TSPAN9: variants seen among roughly 807,000 people sequenced by gnomAD.
TSPAN9 encodes tetraspanin 9.
A neutral mutation model predicts 31.0 loss-of-function variants in TSPAN9; 16 were observed. The ratio of observed to expected loss-of-function variants is 0.52; its 90% CI spans 0.35 to 0.78. TSPAN9 has a LOEUF of 0.78. Among genes scored for constraint, TSPAN9 ranks in the 30% least tolerant of loss-of-function variants. TSPAN9 has a pLI of 0.01. For missense variants in TSPAN9, 272 were observed against 312.5 expected (o/e 0.87, Z 0.98); for synonymous variants, 145 against 121.6 (o/e 1.19, Z -1.27).
intron 2 of TSPAN9, among the ~76,000 whole-genome samples, chr12:3,156,425 C>T (rs2098342299): frequency 6.6e-6 from 1 of 151,998 alleles, no homozygotes; most frequent in South Asian, 2.1e-4. Flanking sequence ...AGAGGCATCT[C>T]CTGTCTTCTT....
At chr12:3,164,885 G>C (rs557272090) in intron 2 of TSPAN9, among the ~76,000 whole-genome samples, 3 of 152,320 alleles carry the variant, frequency 2.0e-5, no homozygotes, top group African/African-American at 7.2e-5. Flanking sequence ...CTGAATCCTG[G>C]CCTCTCCATT....
At chr12:3,210,175 G>C (rs553226317) in intron 3 of TSPAN9, among the ~76,000 whole-genome samples, 1 of 151,890 alleles carries the variant, frequency 6.6e-6, no homozygotes, top group East Asian at 1.9e-4. Flanking sequence ...GCATGAAGCA[G>C]TTCCATGGAC....
At chr12:3,145,145 C>T (rs2098336565) in intron 2 of TSPAN9, among the ~76,000 whole-genome samples, 1 of 152,186 alleles carries the variant, frequency 6.6e-6, no homozygotes, top group Admixed American at 6.5e-5. Flanking sequence ...CAGCCCTCGG[C>T]GTCCTCTGGT....
chr12:3,144,891 CTGA>C (rs1283659707), intron 2 of TSPAN9, among the ~76,000 whole-genome samples: 3 of 152,224 alleles, frequency 2.0e-5, no homozygotes, highest in Non-Finnish European at 1.5e-5. Context: ...ACCATAGCTG[CTGA>C]TGATATTTGT....
At chr12:3,245,346 C>T (rs1436698905) in intron 3 of TSPAN9, among the ~76,000 whole-genome samples, 1 of 152,220 alleles carries the variant, frequency 6.6e-6, no homozygotes, top group African/African-American at 2.4e-5. Context: ...GGAACCACTC[C>T]TGGGTCTCCA....
At chr12:3,102,281 G>A (rs777785779) in intron 2 of TSPAN9, among the ~76,000 whole-genome samples, 2 of 151,864 alleles carry the variant, frequency 1.3e-5, no homozygotes, top group African/African-American at 4.8e-5. Context: ...ATGCCATCAT[G>A]CCCTGCCAAC....
At chr12:3,219,930 G>A (rs112131622) in intron 3 of TSPAN9, among the ~76,000 whole-genome samples, 1,526 of 151,760 alleles carry the variant, frequency 0.01, 27 homozygotes, top group African/African-American at 0.034. Context: ...TGCGGCGGGC[G>A]GATCACCTGA....
chr12:3,095,817 T>G (rs1480776353), intron 2 of TSPAN9, among the ~76,000 whole-genome samples: 3 of 131,772 alleles, frequency 2.3e-5, no homozygotes, highest in African/African-American at 8.9e-5. Context: ...CTAGATGGGA[T>G]GGCGGCCGGG....
At chr12:3,105,107 G>A (rs1313389278) in intron 2 of TSPAN9, among the ~76,000 whole-genome samples, 6 of 152,178 alleles carry the variant, frequency 3.9e-5, no homozygotes, top group South Asian at 4.1e-4. Flanking sequence ...TTTGTGCCCC[G>A]TCTGCGCACA....
chr12:3,191,801 T>G (rs10774126), intron 2 of TSPAN9, among the ~76,000 whole-genome samples: 1 of 152,216 alleles, frequency 6.6e-6, no homozygotes, highest in African/African-American at 2.4e-5. Flanking sequence ...AAGAATCAGA[T>G]AGTAACATTG....
chr12:3,178,376 T>C (rs187896223), intron 2 of TSPAN9, among the ~76,000 whole-genome samples: 6,158 of 151,612 alleles, frequency 0.041, 398 homozygotes, highest in African/African-American at 0.14. Context: ...CTGCAACCCC[T>C]GCTTCCTGGG....
intron 2 of TSPAN9, among the ~76,000 whole-genome samples, chr12:3,087,903 G>A (rs4766043): frequency 0.24 from 36,187 of 152,144 alleles, 5,115 homozygotes; most frequent in South Asian, 0.39. Context: ...CCCTGCTGAC[G>A]GCCTCTCCCC....
At chr12:3,153,543 T>C (rs919562795) in intron 2 of TSPAN9, among the ~76,000 whole-genome samples, 5 of 151,012 alleles carry the variant, frequency 3.3e-5, no homozygotes, top group Non-Finnish European at 7.4e-5. Flanking sequence ...ATCACAATTA[T>C]GATCATCATC....
intron 3 of TSPAN9, among the ~76,000 whole-genome samples, chr12:3,263,492 A>G (rs1452503831): frequency 6.6e-6 from 1 of 152,182 alleles, no homozygotes; most frequent in Non-Finnish European, 1.5e-5. Flanking sequence ...CTGTATGAGC[A>G]GGAGGGTCTG....
At chr12:3,231,563 A>G (rs1013405185) in intron 3 of TSPAN9, among the ~76,000 whole-genome samples, 3 of 152,070 alleles carry the variant, frequency 2.0e-5, no homozygotes, top group Non-Finnish European at 2.9e-5. Context: ...ATGCCAGCCC[A>G]CCCTAAAGAG....
intron 3 of TSPAN9, among the ~76,000 whole-genome samples, chr12:3,259,675 G>A (rs993286220): frequency 3.9e-5 from 6 of 152,238 alleles, no homozygotes; most frequent in Non-Finnish European, 5.9e-5. Flanking sequence ...TCTGGAAAAA[G>A]GGAACACCAA....
In TSPAN9 at chr12:3,280,884, C is replaced by T. The variant is rs778035646; in HGVS notation, c.433-314C>T. On this transcript the variant is annotated intron_variant, in intron 6 of 8. Coordinates refer to ENST00000011898, the MANE Select transcript of TSPAN9 (RefSeq NM_006675.5). The surrounding 1 kb of genome is among the most constrained non-coding windows in gnomAD (Gnocchi z 4.5). ...GGCCGGCAGGGGGTTGGGTGGCAGTCAGCTTGGGACGGTTTACAGAAAGAG... is the reference window on the plus strand; with the variant it reads ...GGCCGGCAGGGGGTTGGGTGGCAGTTAGCTTGGGACGGTTTACAGAAAGAG... 1.2e-4 allele frequency among the ~76,000 whole-genome samples: 18 copies of T among 152,176 alleles called. No individual in the cohort carries two copies. Among genetic ancestry groups the T allele is most frequent in the South Asian group, 2.1e-4 (1 of 4,814 alleles).
rs2098352215 is a variant in TSPAN9 at position 3,172,124 on chromosome 12, A to G, written c.-17-29053A>G. Reference sequence around the variant, plus strand: ...CAGGGCATCTCCAGCGGCACAAATCACAGGGAAAATATCTCCCAGGCTTTT... The same window carrying G: ...CAGGGCATCTCCAGCGGCACAAATCGCAGGGAAAATATCTCCCAGGCTTTT... On this transcript the variant is annotated intron_variant, in intron 2 of 8. Transcript: ENST00000011898. This position sits in a 1 kb window ranked among gnomAD's most constrained non-coding sequence, Gnocchi z 4.8. The G allele has an allele frequency of 6.6e-6, 1 of 152,278 alleles. No individual in the cohort carries two copies. 9.4% of individuals were successfully genotyped at this position (152,278 alleles called of 1,614,324 possible). A position where few individuals can be genotyped will look rare whatever the true frequency, so the allele number is the denominator to read the frequency against.
chr12:3,165,472 G>A (rs566758270), intron 2 of TSPAN9, among the ~76,000 whole-genome samples: 1 of 152,158 alleles, frequency 6.6e-6, no homozygotes, highest in Non-Finnish European at 1.5e-5. Flanking sequence ...CTTCCTTTGA[G>A]ACATACCCCA....
Sources: gnomAD v4.1 joint callset for allele counts (sites outside exome capture counted in the v4.1 genomes callset) on GRCh38, gnomAD v4.1.1 for gene constraint, Gnocchi (gnomAD v3.1) non-coding constraint, MANE v1.5 for transcripts, NCBI Gene and HGNC (gene_info 2026-07-23, HGNC 2026-07-21) for gene names.